Variants in MIR2052HG observed in about 807,000 individuals in gnomAD.
MIR2052HG encodes the protein MIR2052 host gene.
At chr8:74,725,747 C>T (rs772953764) in intron 4 of MIR2052HG, among the ~76,000 whole-genome samples, 3 of 152,152 alleles carry the variant, frequency 2.0e-5, no homozygotes, top group Non-Finnish European at 4.4e-5. Flanking sequence ...TAGCCCTACA[C>T]TGAACAAAGT....
At chr8:74,635,705 T>C (rs1216356571) in intron 2 of MIR2052HG, among the ~76,000 whole-genome samples, 1 of 152,182 alleles carries the variant, frequency 6.6e-6, no homozygotes, top group African/African-American at 2.4e-5. Flanking sequence ...TATCAATCTA[T>C]GTCATCATGA....
chr8:74,707,370 TAA>T (rs1453482394), intron 4 of MIR2052HG, among the ~76,000 whole-genome samples: 1 of 152,058 alleles, frequency 6.6e-6, no homozygotes, highest in East Asian at 1.9e-4. Context: ...GTCTGTGAAA[TAA>T]AAATAAAATA....
At chr8:74,629,923 C>T (rs1808485118) in intron 2 of MIR2052HG, among the ~76,000 whole-genome samples, 1 of 152,184 alleles carries the variant, frequency 6.6e-6, no homozygotes, top group Non-Finnish European at 1.5e-5. Flanking sequence ...GTCCTCATGA[C>T]TCCCTCACCC....
intron 2 of MIR2052HG, among the ~76,000 whole-genome samples, chr8:74,628,504 T>C (rs1003169518): frequency 6.6e-6 from 1 of 152,182 alleles, no homozygotes. Flanking sequence ...TCAGCCTAGC[T>C]CCTTGTTCAG....
intron 4 of MIR2052HG, among the ~76,000 whole-genome samples, chr8:74,743,354 T>A (rs1351852327): frequency 6.6e-6 from 1 of 152,008 alleles, no homozygotes; most frequent in African/African-American, 2.4e-5. Flanking sequence ...GACTACTGAA[T>A]CCCCAAGTGT....
chr8:74,634,307 T>C lies in MIR2052HG; in HGVS notation n.216+21367T>C, dbSNP rs372625176. Among the ~76,000 whole-genome samples the C allele has an allele frequency of 5.3e-5, 8 of 152,274 alleles. No individual in the cohort carries two copies. The East Asian group carries it at 7.7e-4, about 15-fold the overall frequency. The stretch of plus-strand genomic sequence containing the variant: ...CCAGATTACCAGTGTATTAGTAAGC[T>C]ATTAATTGAGGCAGAGACAACAAGG... On this transcript the variant is annotated intron_variant and non_coding_transcript_variant, in intron 2 of 6. Transcript: ENST00000523442.
intron 2 of MIR2052HG, among the ~76,000 whole-genome samples, chr8:74,634,140 AG>A (rs1219549048): frequency 6.6e-6 from 1 of 152,164 alleles, no homozygotes; most frequent in Non-Finnish European, 1.5e-5. Context: ...CTTCAGATTT[AG>A]GCTTCCTGAA....
intron 2 of MIR2052HG, among the ~76,000 whole-genome samples, chr8:74,637,545 A>G (rs1183312245): frequency 1.3e-5 from 2 of 152,174 alleles, no homozygotes; most frequent in Non-Finnish European, 2.9e-5. Flanking sequence ...TCCTTAAGCC[A>G]TGTTTTAACT....
chr8:74,608,509 C>G (rs143922906), intron 1 of MIR2052HG, among the ~76,000 whole-genome samples: 138 of 152,240 alleles, frequency 9.1e-4, no homozygotes, highest in African/African-American at 3.2e-3. Context: ...AATCAGAATA[C>G]ACATTCTTTT....
intron 4 of MIR2052HG, among the ~76,000 whole-genome samples, chr8:74,749,202 C>G (rs765691881): frequency 2.6e-5 from 4 of 152,148 alleles, no homozygotes; most frequent in Non-Finnish European, 4.4e-5. Flanking sequence ...AACATACTGT[C>G]AGCATCCTAT....
At chr8:74,611,197 CAAAT>C (rs1385129801) in intron 1 of MIR2052HG, among the ~76,000 whole-genome samples, 1 of 151,834 alleles carries the variant, frequency 6.6e-6, no homozygotes, top group Non-Finnish European at 1.5e-5. Context: ...TATATAATGG[CAAAT>C]AAGCACATTA....
At chr8:74,756,701 T>C (rs1327440568) in intron 5 of MIR2052HG, 2 of 152,148 alleles carry the variant, frequency 1.3e-5, no homozygotes, top group African/African-American at 4.8e-5. Context: ...GAAAACCAAA[T>C]GGACAGTGAT....
intron 2 of MIR2052HG, among the ~76,000 whole-genome samples, chr8:74,670,257 T>C (rs1231240264): frequency 6.9e-6 from 1 of 144,280 alleles, no homozygotes; most frequent in East Asian, 2.0e-4. Flanking sequence ...ATATCTCCAG[T>C]GCAAGGAACA....
At chr8:74,683,008 CTT>C (rs1809141972) in intron 2 of MIR2052HG, among the ~76,000 whole-genome samples, 2 of 152,058 alleles carry the variant, frequency 1.3e-5, no homozygotes, top group South Asian at 4.1e-4. Flanking sequence ...TATGATATCA[CTT>C]TTATAAAGTT....
rs1409861039 is a variant in MIR2052HG at position 74,695,469 on chromosome 8, T to C, written n.217-6910T>C. 2.6e-5 allele frequency among the ~76,000 whole-genome samples: 4 copies of C among 152,082 alleles called. No individual in the cohort carries two copies. The East Asian group carries it at 7.7e-4, about 29-fold the overall frequency. The stretch of plus-strand genomic sequence containing the variant: ...ATAGTACGTCACATCTCAATACTAA[T>C]GTTGAATATAAATGGCCTAAATGCT... On this transcript the variant is annotated intron_variant and non_coding_transcript_variant, in intron 2 of 6. Transcript: ENST00000523442.
intron 2 of MIR2052HG, among the ~76,000 whole-genome samples, chr8:74,656,332 C>T (rs901804749): frequency 1.3e-5 from 2 of 152,088 alleles, no homozygotes; most frequent in Non-Finnish European, 2.9e-5. Context: ...CATAGTTTGG[C>T]TGTGTCCCCA....
At chr8:74,697,795 C>CTTGT (rs1809313922) in intron 2 of MIR2052HG, among the ~76,000 whole-genome samples, 1 of 151,998 alleles carries the variant, frequency 6.6e-6, no homozygotes, top group Admixed American at 6.6e-5. Flanking sequence ...TATACCTAAT[C>CTTGT]AAGGAGGTGA....
intron 2 of MIR2052HG, among the ~76,000 whole-genome samples, chr8:74,635,921 A>G (rs1379224194): frequency 1.3e-5 from 2 of 152,216 alleles, no homozygotes; most frequent in East Asian, 3.8e-4. Context: ...TCTGAAAAGT[A>G]AAATAATGAC....
At chr8:74,660,676 C>T (rs1808852162) in intron 2 of MIR2052HG, among the ~76,000 whole-genome samples, 1 of 152,092 alleles carries the variant, frequency 6.6e-6, no homozygotes, top group African/African-American at 2.4e-5. Context: ...AAAATTTTGT[C>T]TAATCTGTCT....
Sources: allele counts gnomAD v4.1 joint callset (sites outside exome capture counted in the v4.1 genomes callset), GRCh38; gene constraint gnomAD v4.1.1; transcripts MANE v1.5; gene names NCBI Gene and HGNC (gene_info 2026-07-23, HGNC 2026-07-21).